Variants in LRRC4C observed in about 807,000 individuals in gnomAD.
LRRC4C encodes leucine rich repeat containing 4C.
Under a neutral mutation model 33.6 loss-of-function variants are expected in LRRC4C, and 5 were observed. The ratio of observed to expected loss-of-function variants is 0.15; its 90% CI spans 0.08 to 0.31. LRRC4C has a LOEUF of 0.31. LRRC4C is among the 10% of genes least tolerant of loss of function. The probability of loss-of-function intolerance (pLI) is 1.00; values close to 1 mark genes in which losing one functional copy is unlikely to be tolerated. For missense variants in LRRC4C, 560 were observed against 796.7 expected (o/e 0.70, Z 3.58); for synonymous variants, 329 against 302.0 (o/e 1.09, Z -0.93).
At chr11:40,886,813 C>T (rs941275160) in intron 2 of LRRC4C, among the ~76,000 whole-genome samples, 3 of 151,656 alleles carry the variant, frequency 2.0e-5, no homozygotes, top group African/African-American at 7.3e-5. Flanking sequence ...ACTTTAGTAT[C>T]CCTCTCTCCA....
chr11:40,803,359 C>T (rs1207484026), intron 2 of LRRC4C, among the ~76,000 whole-genome samples: 1 of 152,052 alleles, frequency 6.6e-6, no homozygotes, highest in Non-Finnish European at 1.5e-5. Context: ...GAGAGCCTGC[C>T]CCTTAACTGA....
At chr11:41,031,099 T>C (rs1856703184) in intron 1 of LRRC4C, among the ~76,000 whole-genome samples, 1 of 151,988 alleles carries the variant, frequency 6.6e-6, no homozygotes, top group South Asian at 2.1e-4. Context: ...AAACTCATGC[T>C]ATTGCTTTCA....
chr11:40,765,428 T>G (rs1425160016), intron 2 of LRRC4C, among the ~76,000 whole-genome samples: 1 of 152,176 alleles, frequency 6.6e-6, no homozygotes, highest in Admixed American at 6.6e-5. Flanking sequence ...ATAAGCCAAT[T>G]AAACCCCTTT....
At chr11:40,156,604 CA>C (rs949869992) in intron 5 of LRRC4C, among the ~76,000 whole-genome samples, 11 of 151,510 alleles carry the variant, frequency 7.3e-5, no homozygotes, top group African/African-American at 2.7e-4. Flanking sequence ...ACAATGGCTG[CA>C]AAAAAACCAC....
At chr11:41,273,011 T>C (rs181745467) in intron 1 of LRRC4C, among the ~76,000 whole-genome samples, 41 of 152,308 alleles carry the variant, frequency 2.7e-4, no homozygotes, top group African/African-American at 9.9e-4. Flanking sequence ...TATGAATCAG[T>C]TACTGGTTAA....
intron 2 of LRRC4C, among the ~76,000 whole-genome samples, chr11:40,791,016 C>G (rs1950602658): frequency 6.6e-6 from 1 of 152,126 alleles, no homozygotes; most frequent in Non-Finnish European, 1.5e-5. Context: ...AAATTCCACA[C>G]AATATGAGCT....
intron 3 of LRRC4C, among the ~76,000 whole-genome samples, chr11:40,481,183 G>A (rs1257506602): frequency 6.6e-6 from 1 of 152,052 alleles, no homozygotes; most frequent in Non-Finnish European, 1.5e-5. Context: ...CAGTGTGTGG[G>A]AAGTTGCTTT....
At chr11:40,433,780 A>G in intron 3 of LRRC4C, among the ~76,000 whole-genome samples, 1 of 152,212 alleles carries the variant, frequency 6.6e-6, no homozygotes, top group South Asian at 2.1e-4. Flanking sequence ...AAGTTTGGGA[A>G]GATGAGGTTT....
At chr11:40,371,085 C>T (rs1291293378) in intron 3 of LRRC4C, among the ~76,000 whole-genome samples, 1 of 152,012 alleles carries the variant, frequency 6.6e-6, no homozygotes, top group Non-Finnish European at 1.5e-5. Flanking sequence ...TGCTAGATCA[C>T]AAAGACATTA....
At position 40,311,039 on chromosome 11, in the gene LRRC4C, G is replaced by T. The variant is rs1445449061; in HGVS notation, c.-176+8589C>A. 2.6e-5 allele frequency among the ~76,000 whole-genome samples: 4 copies of T among 152,098 alleles called. No individual in the cohort carries two copies. The East Asian group carries it at 5.8e-4, about 22-fold the overall frequency. On this transcript the variant is annotated intron_variant, in intron 4 of 6. Transcript: ENST00000528697. ...TTAGATCCTTTGTGTCATTATCTCT[G>T]CCAAAACAGAAAATATCTCCATATT...
At chr11:41,233,326 A>C (rs998387576) in intron 1 of LRRC4C, among the ~76,000 whole-genome samples, 1 of 152,026 alleles carries the variant, frequency 6.6e-6, no homozygotes, top group Non-Finnish European at 1.5e-5. Context: ...TAGGGGGAAA[A>C]ATTGTTAATA....
chr11:41,019,793 C>T (rs1855832325), intron 1 of LRRC4C, among the ~76,000 whole-genome samples: 1 of 152,036 alleles, frequency 6.6e-6, no homozygotes, highest in Admixed American at 6.6e-5. Flanking sequence ...TTTTTTTCCA[C>T]ATTTTTTTGG....
chr11:41,223,366 C>T (rs1947390823), intron 1 of LRRC4C, among the ~76,000 whole-genome samples: 1 of 152,118 alleles, frequency 6.6e-6, no homozygotes, highest in Non-Finnish European at 1.5e-5. Flanking sequence ...TATCTGTTTG[C>T]ACCTTCTTGA....
At chr11:41,458,034 A>G (rs1456421100) in intron 1 of LRRC4C, among the ~76,000 whole-genome samples, 1 of 152,142 alleles carries the variant, frequency 6.6e-6, no homozygotes, top group Non-Finnish European at 1.5e-5. Context: ...CGTTTTGAGT[A>G]TGATGCCTGA....
intron 1 of LRRC4C, among the ~76,000 whole-genome samples, chr11:40,946,397 T>G (rs1159550442): frequency 6.6e-6 from 1 of 152,192 alleles, no homozygotes; most frequent in Non-Finnish European, 1.5e-5. Flanking sequence ...TATAAACGTA[T>G]CAGTGTATGT....
At chr11:40,936,014 T>TTATATATATATATATATATA (rs56879078) in intron 1 of LRRC4C, among the ~76,000 whole-genome samples, 1 of 49,310 alleles carries the variant, frequency 2.0e-5, no homozygotes, top group African/African-American at 5.8e-5. Context: ...ATGCCAAATT[T>TTATATATATATATATATATA]TATATATATA....
intron 2 of LRRC4C, among the ~76,000 whole-genome samples, chr11:40,910,171 A>T (rs2136257636): frequency 6.6e-6 from 1 of 152,326 alleles, no homozygotes; most frequent in South Asian, 2.1e-4. Context: ...GGATATACCT[A>T]TCATCAATCA....
intron 3 of LRRC4C, among the ~76,000 whole-genome samples, chr11:40,348,681 A>G (rs1438234812): frequency 6.6e-6 from 1 of 152,198 alleles, no homozygotes; most frequent in Non-Finnish European, 1.5e-5. Context: ...CATGCAAACT[A>G]AAAGATGTGA....
At chr11:41,229,528 A>G (rs1190963914) in intron 1 of LRRC4C, among the ~76,000 whole-genome samples, 3 of 152,056 alleles carry the variant, frequency 2.0e-5, no homozygotes. Context: ...CTGAGTTTGT[A>G]TTAGGTTTTT....
Sources: allele counts gnomAD v4.1 joint callset (sites outside exome capture counted in the v4.1 genomes callset), GRCh38; gene constraint gnomAD v4.1.1; transcripts MANE v1.5; gene names NCBI Gene and HGNC (gene_info 2026-07-23, HGNC 2026-07-21).